B4GALT7: variants seen among roughly 807,000 people sequenced by gnomAD.
The protein encoded by B4GALT7 is UDP-Gal:beta-GlcNAc beta-1,4-galactosyltransferase 7.
B4GALT7 carries 30 observed loss-of-function variants against 33.0 expected under a neutral mutation model. That is an observed-to-expected ratio of 0.91 (90% CI 0.68 to 1.23). The LOEUF is 1.23. Ranked by LOEUF, B4GALT7 falls within the 50% of genes most tolerant of loss-of-function variation. The probability of loss-of-function intolerance (pLI) is 0.00; values close to 1 mark genes in which losing one functional copy is unlikely to be tolerated. For synonymous variants in B4GALT7, 213 were observed against 187.2 expected, an observed-to-expected ratio of 1.14 and a Z score of -1.13; for missense variants, 507 against 450.8, an observed-to-expected ratio of 1.12 and a Z score of -1.13.
rs1181485686 is a variant in B4GALT7 at position 177,600,556 on chromosome 5, C to T, written c.50+296C>T. Among the ~76,000 whole-genome samples, 2 of 151,712 alleles carry T rather than the reference C, an allele frequency of 1.3e-5. No individual in the cohort carries two copies. Among genetic ancestry groups the T allele is most frequent in the Admixed American group, 6.6e-5 (1 of 15,232 alleles). ...GACTTCCCTTTGTGAGTTTCTGATC[C>T]CCTCTTTGCTAGTCTCTCTCGTTAT... On this transcript the variant is annotated intron_variant, in intron 1 of 5. Coordinates refer to ENST00000029410, the MANE Select transcript of B4GALT7 (RefSeq NM_007255.3). The surrounding 1 kb of genome is among the most constrained non-coding windows in gnomAD (Gnocchi z 4.4).
chr5:177,608,249 TAGG>T lies in B4GALT7; in HGVS notation c.640-287_640-285del. On this transcript the variant is annotated intron_variant, in intron 3 of 5. Coordinates refer to ENST00000029410, the MANE Select transcript of B4GALT7 (RefSeq NM_007255.3). This position sits in a 1 kb window ranked among gnomAD's most constrained non-coding sequence, Gnocchi z 4.1. ...GGGAATGGGGGAAGCAGAAATCAAGTAGGAGCTGGCGCTTCTGCCCATCGACAG... is the reference window on the plus strand; with the variant it reads ...GGGAATGGGGGAAGCAGAAATCAAGTAGCTGGCGCTTCTGCCCATCGACAG... 2.1e-6 allele frequency: 1 copy of T among 467,120 alleles called. No homozygotes were observed. Among genetic ancestry groups the T allele is most frequent in the Non-Finnish European group, 3.9e-6 (1 of 255,972 alleles). 28.9% of individuals were successfully genotyped at this position (467,120 alleles called of 1,614,324 possible). A position where few individuals can be genotyped will look rare whatever the true frequency, so the allele number is the denominator to read the frequency against.
rs1321955867 is a variant in B4GALT7 at position 177,600,622 on chromosome 5, A to G, written c.50+362A>G. On this transcript the variant is annotated intron_variant, in intron 1 of 5. Coordinates refer to ENST00000029410, the MANE Select transcript of B4GALT7 (RefSeq NM_007255.3). The surrounding 1 kb of genome is among the most constrained non-coding windows in gnomAD (Gnocchi z 4.4). ...TGTGTTTCTCCACCAGCCTCCCTCT[A>G]TCTGCATGCGGGTCTCTGACTCCGC... Among the ~76,000 whole-genome samples the G allele has an allele frequency of 6.6e-6, 1 of 151,630 alleles. No individual in the cohort carries two copies. Among genetic ancestry groups the G allele is most frequent in the African/African-American group, 2.4e-5 (1 of 41,218 alleles).
chr5:177,600,300 C>T lies in B4GALT7; in HGVS notation c.50+40C>T. The T allele has an allele frequency of 7.7e-7, 1 of 1,291,016 alleles. No homozygotes were observed. Among genetic ancestry groups the T allele is most frequent in the Non-Finnish European group, 9.8e-7 (1 of 1,015,320 alleles). The allele number at this position is 1,291,016 out of a possible 1,614,324, so 80.0% of individuals were successfully genotyped here. ...TGGGCCCGGGCCCCGTCCTCCCGGG[C>T]GCCGCTCCCTTCTCGGCCGCCGGCG... is the stretch of plus-strand genomic sequence containing the variant. On this transcript the variant is annotated intron_variant, in intron 1 of 5. Coordinates refer to ENST00000029410, the MANE Select transcript of B4GALT7 (RefSeq NM_007255.3). The surrounding 1 kb of genome is among the most constrained non-coding windows in gnomAD (Gnocchi z 4.4).
intron 1 of B4GALT7, among the ~76,000 whole-genome samples, chr5:177,602,410 TGCTGTGCTG>T (rs920060836): frequency 7.2e-5 from 11 of 152,146 alleles, no homozygotes; most frequent in African/African-American, 2.4e-4. Flanking sequence ...GGCCTGTGCT[TGCTGTGCTG>T]GGGCCACAGA....
intron 2 of B4GALT7, chr5:177,605,238 T>A (rs1349128780): frequency 2.9e-6 from 1 of 343,034 alleles, no homozygotes; most frequent in Non-Finnish European, 5.8e-6. Context: ...AAGCCTCTGG[T>A]CCCTTGCTGC....
chr5:177,604,311 CAG>C lies in B4GALT7; in HGVS notation c.184_185del (p.Arg62GlyfsTer20). 6.2e-7 allele frequency: 1 copy of C among 1,610,926 alleles called. No homozygotes were observed. The highest frequency in any genetic ancestry group is 8.5e-7 in the Non-Finnish European group (1 of 1,178,572). The stretch of plus-strand genomic sequence containing the variant: ...GCTCTGGGGACGTGGCCCGGGCAGT[CAG>C]GGGACAAGGGCAGGAGACCTCGGGC... ...SCSGDVARAV[R>X]GQGQETSGPP... On this transcript the variant is annotated frameshift_variant, in exon 2 of 6. Transcript: ENST00000029410. LOFTEE classifies it high-confidence loss of function.
chr5:177,609,467 G>C (rs553106538), intron 5 of B4GALT7, 73 bp from the exon 6 acceptor site: 328 of 1,577,710 alleles, frequency 2.1e-4, no homozygotes, highest in Non-Finnish European at 2.7e-4. Context: ...TGATGGCGAG[G>C]TTGTGTGGGG....
chr5:177,600,349 A>C lies in B4GALT7; in HGVS notation c.50+89A>C, dbSNP rs1581989639. 4 of 1,083,982 alleles carry C rather than the reference A, an allele frequency of 3.7e-6. No individual in the cohort carries two copies. Among genetic ancestry groups the C allele is most frequent in the Non-Finnish European group, 3.5e-6 (3 of 845,794 alleles). The allele number at this position is 1,083,982 out of a possible 1,614,324, so 67.1% of individuals were successfully genotyped here. On this transcript the variant is annotated intron_variant, in intron 1 of 5. Coordinates refer to ENST00000029410, the MANE Select transcript of B4GALT7 (RefSeq NM_007255.3). The surrounding 1 kb of genome is among the most constrained non-coding windows in gnomAD (Gnocchi z 4.4). ...CGGAATCTGGGAACCCGAGGCCATC[A>C]CGTCTCCATGTCTGCGGGTTTCTGT...
At position 177,607,368 on chromosome 5, in the gene B4GALT7, C is replaced by T. The variant is rs1293837829; in HGVS notation, c.480C>T (p.Ala160=). The T allele has an allele frequency of 1.2e-6, 2 of 1,613,976 alleles. No homozygotes were observed. Among genetic ancestry groups the T allele is most frequent in the African/African-American group, 1.3e-5 (1 of 74,948 alleles). Residue 160 remains alanine (A), a synonymous_variant, in exon 3 of 6, where the codon GCC becomes GCT. Transcript: ENST00000029410. The part of the protein sequence containing the change: ...LESSNSTDYI[A]MHDVDLLPLN... Reference sequence around the variant, plus strand: ...GCAGCAACAGCACGGACTACATTGCCATGCACGACGTTGACCTGCTCCCTC... The same window carrying T: ...GCAGCAACAGCACGGACTACATTGCTATGCACGACGTTGACCTGCTCCCTC...
chr5:177,609,130 C>T (rs964342550), intron 5 of B4GALT7, 116 bp downstream of exon 5: 12 of 982,338 alleles, frequency 1.2e-5, no homozygotes, highest in Non-Finnish European at 1.7e-5. Context: ...CTGCTTGGCC[C>T]AGGTCAGTCG....
chr5:177,604,184 G>C lies in B4GALT7; in HGVS notation c.56G>C (p.Gly19Ala). Residue 19 changes from glycine to alanine, a missense_variant, in exon 2 of 6, where the codon GGG becomes GCG. Coordinates refer to ENST00000029410, the MANE Select transcript of B4GALT7 (RefSeq NM_007255.3). ...AQLPWEDGRSGLLSGGLPRKC... is the reference protein window; with the variant it reads ...AQLPWEDGRSALLSGGLPRKC... ...CTGTCCCGCGCTTGCTCCAGGTCCG[G>C]GTTGCTCTCCGGCGGCCTCCCTCGG... 1 of 1,613,536 alleles carries C rather than the reference G, an allele frequency of 6.2e-7. No individual in the cohort carries two copies. Among genetic ancestry groups the C allele is most frequent in the East Asian group, 2.2e-5 (1 of 44,874 alleles).
In B4GALT7 at chr5:177,606,750, C is replaced by T; in HGVS notation, c.414-552C>T. On this transcript the variant is annotated intron_variant, in intron 2 of 5. Coordinates refer to ENST00000029410, the MANE Select transcript of B4GALT7 (RefSeq NM_007255.3). The surrounding 1 kb of genome is among the most constrained non-coding windows in gnomAD (Gnocchi z 4.2). The stretch of plus-strand genomic sequence containing the variant: ...TGGGCCTTGTGCAGTCACTGTGTCA[C>T]CCCCAACATCCCCACCTCTGCCCTC... The T allele has an allele frequency of 4.1e-6, 1 of 243,008 alleles. No individual in the cohort carries two copies. Among genetic ancestry groups the T allele is most frequent in the East Asian group, 1.0e-4 (1 of 9,944 alleles). 15.1% of individuals were successfully genotyped at this position (243,008 alleles called of 1,614,324 possible).
chr5:177,609,152 G>A, intron 5 of B4GALT7, 138 bp downstream of exon 5: 3 of 824,328 alleles, frequency 3.6e-6, no homozygotes, highest in East Asian at 2.7e-5. Flanking sequence ...CGGGCATTCT[G>A]CTTGGGCACC....
Position 177,609,524 on chromosome 5 carries a change from C to T in B4GALT7, c.829-16C>T. On this transcript the variant is annotated splice_polypyrimidine_tract_variant and intron_variant, in intron 5 of 5. Coordinates refer to ENST00000029410, the MANE Select transcript of B4GALT7 (RefSeq NM_007255.3). ...TGCAGCCCTGAGTCCGTGCTCTTTC[C>T]TCTCTTCCTCCCCAGGAGCAGTTCA... 1.9e-6 allele frequency: 3 copies of T among 1,612,688 alleles called. No homozygotes were observed. The highest frequency in any genetic ancestry group is 2.5e-6 in the Non-Finnish European group (3 of 1,180,012).
At position 177,608,549 on chromosome 5, in the gene B4GALT7, T is replaced by C. The variant is rs1768082862; in HGVS notation, c.650T>C (p.Met217Thr). The change falls in exon 4 of 6, where the codon ATG (methionine) becomes ACG (threonine). Residue 217 changes from methionine to threonine, a missense_variant. By Grantham distance (81) the Met-to-Thr change is moderately conservative. Coordinates refer to ENST00000029410, the MANE Select transcript of B4GALT7 (RefSeq NM_007255.3). This position sits in a 1 kb window ranked among gnomAD's most constrained non-coding sequence, Gnocchi z 4.1. ...SKQHYRLCNG[M>T]SNRFWGWGRE... ...TTGTCTCTGTGTCAGTGCAATGGGA[T>C]GTCCAACCGCTTCTGGGGCTGGGGC... 1 of 1,613,216 alleles carries C rather than the reference T, an allele frequency of 6.2e-7. No individual in the cohort carries two copies. The highest frequency in any genetic ancestry group is 8.5e-7 in the Non-Finnish European group (1 of 1,179,814).
Position 177,607,487 on chromosome 5 carries a change from T to A in B4GALT7, c.599T>A (p.Val200Asp), listed in dbSNP as rs1460743738. The A allele has an allele frequency of 6.2e-7, 1 of 1,613,432 alleles. No homozygotes were observed. Residue 200 changes from valine to aspartate, a missense_variant, in exon 3 of 6, where the codon GTC (valine) becomes GAC (aspartate). Physicochemically the swap from Val to Asp is radical, Grantham distance 152. Coordinates refer to ENST00000029410, the MANE Select transcript of B4GALT7 (RefSeq NM_007255.3). Reference protein sequence around the residue: ...LHPLYHYKTYVGGILLLSKQH... With the variant: ...LHPLYHYKTYDGGILLLSKQH... ...CCTCTCTACCACTACAAGACCTATG[T>A]CGGCGGCATCCTGCTGCTCTCCAAG...
chr5:177,600,269 C>G lies in B4GALT7; in HGVS notation c.50+9C>G. The G allele has an allele frequency of 7.5e-7, 1 of 1,335,240 alleles. No individual in the cohort carries two copies. The highest frequency in any genetic ancestry group is 9.6e-7 in the Non-Finnish European group (1 of 1,038,004). The allele number at this position is 1,335,240 out of a possible 1,614,324, so 82.7% of individuals were successfully genotyped here. Reference sequence around the variant, plus strand: ...CCCTGGGAGGACGGCAGGTGAGCGGCGGCGGTGGGCCCGGGCCCCGTCCTC... The same window carrying G: ...CCCTGGGAGGACGGCAGGTGAGCGGGGGCGGTGGGCCCGGGCCCCGTCCTC... On this transcript the variant is annotated intron_variant, in intron 1 of 5. Transcript: ENST00000029410. This position sits in a 1 kb window ranked among gnomAD's most constrained non-coding sequence, Gnocchi z 4.4.
chr5:177,607,670 TGC>T, intron 3 of B4GALT7, 143 bp downstream of exon 3: 1 of 804,746 alleles, frequency 1.2e-6, no homozygotes, highest in East Asian at 2.7e-5. Flanking sequence ...GCAGCCAGAG[TGC>T]GAAGAGCAGG....
chr5:177,609,021 G>C lies in B4GALT7; in HGVS notation c.828+7G>C, dbSNP rs762551273. ...CATCGCAGCTCAAAAACAGGTGCTG[G>C]CAGGGCTCCTCATTGGGGACAGATA... On this transcript the variant is annotated splice_region_variant and intron_variant, in intron 5 of 5. Transcript: ENST00000029410. 3.7e-6 allele frequency: 6 copies of C among 1,607,680 alleles called. No individual in the cohort carries two copies. The Admixed American group carries it at 8.3e-5, about 22-fold the overall frequency.
Sources: gnomAD v4.1 joint callset for allele counts (sites outside exome capture counted in the v4.1 genomes callset) on GRCh38, gnomAD v4.1.1 for gene constraint, Gnocchi (gnomAD v3.1) non-coding constraint, MANE v1.5 for transcripts, NCBI Gene and HGNC (gene_info 2026-07-23, HGNC 2026-07-21) for gene names.